The following HHLA1 variants were observed in gnomAD, a reference collection of about 807,000 sequenced individuals.
HHLA1 encodes the protein HERV-H LTR-associating protein 1.
Under a neutral mutation model 69.9 loss-of-function variants are expected in HHLA1, and 72 were observed. The ratio of observed to expected loss-of-function variants is 1.03; its 90% CI spans 0.85 to 1.25. The LOEUF (loss-of-function observed/expected upper bound fraction) is 1.25, where lower values mean the gene tolerates loss of function less well. HHLA1 is among the 50% of genes most tolerant of loss of function. The probability of loss-of-function intolerance (pLI) is 0.00; values close to 1 mark genes in which losing one functional copy is unlikely to be tolerated. For missense variants in HHLA1, 685 were observed against 642.2 expected (o/e 1.07, Z -0.72); for synonymous variants, 252 against 233.2 (o/e 1.08, Z -0.73).
intron 7 of HHLA1, among the ~76,000 whole-genome samples, chr8:132,090,917 C>A (rs111902220): frequency 6.6e-6 from 1 of 152,064 alleles, no homozygotes; most frequent in Non-Finnish European, 1.5e-5. Context: ...CGCCAACACG[C>A]CCAGCTAATT....
intron 3 of HHLA1, among the ~76,000 whole-genome samples, chr8:132,101,759 A>G (rs952608344): frequency 2.0e-5 from 3 of 151,980 alleles, no homozygotes; most frequent in Non-Finnish European, 4.4e-5. Context: ...TTTTTAGTAG[A>G]TCTGGGGTTT....
At chr8:132,083,237 A>G (rs1823791841) in intron 10 of HHLA1, among the ~76,000 whole-genome samples, 1 of 152,160 alleles carries the variant, frequency 6.6e-6, no homozygotes, top group Non-Finnish European at 1.5e-5. Context: ...GGTGGGGATA[A>G]CTAAAAAGGA....
At chr8:132,079,548 T>A (rs1823703422) in intron 11 of HHLA1, among the ~76,000 whole-genome samples, 170 bp downstream of exon 11, 1 of 152,220 alleles carries the variant, frequency 6.6e-6, no homozygotes, top group Non-Finnish European at 1.5e-5. Flanking sequence ...CTTTGTTTGA[T>A]CTTGTAGAAC....
intron 14 of HHLA1, among the ~76,000 whole-genome samples, chr8:132,075,838 C>T (rs1309311299): frequency 6.6e-6 from 1 of 152,162 alleles, no homozygotes; most frequent in South Asian, 2.1e-4. Flanking sequence ...ATTTTTAGTG[C>T]CCACAAAAAT....
At chr8:132,092,199 T>TC (rs1298085548) in intron 7 of HHLA1, among the ~76,000 whole-genome samples, 1 of 152,200 alleles carries the variant, frequency 6.6e-6, no homozygotes, top group African/African-American at 2.4e-5. Flanking sequence ...TCTCCCACCT[T>TC]CCTTTAGTAA....
chr8:132,072,062 A>G (rs1244618276), intron 14 of HHLA1, among the ~76,000 whole-genome samples: 1 of 151,980 alleles, frequency 6.6e-6, no homozygotes, highest in Non-Finnish European at 1.5e-5. Context: ...GAAAGATGAG[A>G]CTGGCATGCT....
intron 16 of HHLA1, among the ~76,000 whole-genome samples, chr8:132,064,973 A>G (rs1235445915): frequency 6.6e-6 from 1 of 152,174 alleles, no homozygotes; most frequent in Non-Finnish European, 1.5e-5. Context: ...CACCCAGCTT[A>G]TATTTGGGTT....
intron 7 of HHLA1, among the ~76,000 whole-genome samples, chr8:132,090,311 TCCTTC>T (rs1823927366): frequency 6.6e-6 from 1 of 152,208 alleles, no homozygotes; most frequent in South Asian, 2.1e-4. Context: ...AGCTGTCATC[TCCTTC>T]TTTGTTCATT....
chr8:132,110,209 G>A (rs375279244), intron 1 of HHLA1, among the ~76,000 whole-genome samples: 1 of 152,156 alleles, frequency 6.6e-6, no homozygotes, highest in Admixed American at 6.5e-5. Context: ...GAGTGTCAGC[G>A]GGTGTGGGCT....
At chr8:132,086,053 C>T (rs1175087991) in intron 10 of HHLA1, among the ~76,000 whole-genome samples, 2 of 152,108 alleles carry the variant, frequency 1.3e-5, no homozygotes, top group Admixed American at 6.6e-5. Flanking sequence ...CAGACAGAAA[C>T]AGCTTGAAAA....
At chr8:132,082,608 C>T (rs920469745) in intron 10 of HHLA1, among the ~76,000 whole-genome samples, 1 of 152,052 alleles carries the variant, frequency 6.6e-6, no homozygotes, top group Admixed American at 6.6e-5. Context: ...AGCTTTGCAG[C>T]AGTACAGCCT....
At chr8:132,102,807 T>C in intron 3 of HHLA1, among the ~76,000 whole-genome samples, 1 of 85,910 alleles carries the variant, frequency 1.2e-5, no homozygotes, top group African/African-American at 4.3e-5. Context: ...TTTTTTTTTT[T>C]TTTTTTTTTT....
At chr8:132,074,462 A>G (rs1823600823) in intron 14 of HHLA1, among the ~76,000 whole-genome samples, 1 of 152,164 alleles carries the variant, frequency 6.6e-6, no homozygotes, top group South Asian at 2.1e-4. Context: ...TAATTCCTGA[A>G]TGAGATATTA....
At chr8:132,078,916 G>C (rs987990161) in intron 11 of HHLA1, among the ~76,000 whole-genome samples, 1 of 151,448 alleles carries the variant, frequency 6.6e-6, no homozygotes, top group African/African-American at 2.4e-5. Flanking sequence ...TTGTTTGTTT[G>C]TTTTTTCTGC....
Position 132,105,271 on chromosome 8 carries a change from T to C in HHLA1, c.-6A>G. 3 of 1,551,746 alleles carry C rather than the reference T, an allele frequency of 1.9e-6. No individual in the cohort carries two copies. The highest frequency in any genetic ancestry group is 2.6e-6 in the Non-Finnish European group (3 of 1,146,756). On this transcript the variant is annotated 5_prime_UTR_variant, in exon 2 of 17. Transcript: ENST00000414222. ...CGTGACAGGAAGCCCAGCATGCTTG[T>C]GATACTCTGGCCCACCTGGAATGAA... is the stretch of plus-strand genomic sequence containing the variant.
chr8:132,079,445 T>C (rs1232293180), intron 11 of HHLA1, among the ~76,000 whole-genome samples: 1 of 152,236 alleles, frequency 6.6e-6, no homozygotes, highest in African/African-American at 2.4e-5. Context: ...CTCTATATTA[T>C]TTTTGCAAGT....
intron 11 of HHLA1, among the ~76,000 whole-genome samples, chr8:132,079,192 T>C (rs1266048383): frequency 6.6e-6 from 1 of 152,220 alleles, no homozygotes; most frequent in African/African-American, 2.4e-5. Context: ...CTCCTGCAGG[T>C]CATTGGCGGC....
At position 132,101,364 on chromosome 8, in the gene HHLA1, C is replaced by A. The variant is rs184497329; in HGVS notation, c.140-1230G>T. 490 of 1,456,714 alleles carry A rather than the reference C, an allele frequency of 3.4e-4. 5 individuals carry two copies. In the African/African-American group the frequency reaches 6.4e-3, roughly 19 times the overall value. 90.2% of individuals were successfully genotyped at this position (1,456,714 alleles called of 1,614,324 possible). A position where few individuals can be genotyped will look rare whatever the true frequency, so the allele number is the denominator to read the frequency against. On this transcript the variant is annotated intron_variant, in intron 3 of 16. Coordinates refer to ENST00000414222, the MANE Select transcript of HHLA1 (RefSeq NM_001145095.3). ...TCCTTAGAAATCATCTTGTCCAACA[C>A]TTTGAAGAATGGATAAACTGAAATC...
intron 10 of HHLA1, 123 bp from the exon 11 acceptor site, chr8:132,080,089 A>T: frequency 1.5e-6 from 2 of 1,310,034 alleles, no homozygotes; most frequent in Non-Finnish European, 2.2e-6. Flanking sequence ...AATTAAAAGT[A>T]TCAGGCATTT....
Sources: allele counts gnomAD v4.1 joint callset (sites outside exome capture counted in the v4.1 genomes callset), GRCh38; gene constraint gnomAD v4.1.1; transcripts MANE v1.5; gene names NCBI Gene and HGNC (gene_info 2026-07-23, HGNC 2026-07-21).